Variants in DENND2B observed in about 807,000 individuals in gnomAD.
DENND2B encodes the protein DENN domain-containing protein 2B.
In DENND2B, 32 loss-of-function variants were observed where a neutral mutation model predicts 116.0. The observed-to-expected ratio is 0.28, with a 90% confidence interval of 0.21 to 0.37. The LOEUF (loss-of-function observed/expected upper bound fraction) is 0.37, where lower values mean the gene tolerates loss of function less well. Among genes scored for constraint, DENND2B ranks in the 10% least tolerant of loss-of-function variants. DENND2B has a pLI of 1.00. For missense variants in DENND2B, 1,276 were observed against 1,477.7 expected (o/e 0.86, Z 2.24); for synonymous variants, 588 against 583.9 (o/e 1.01, Z -0.10).
intron 2 of DENND2B, among the ~76,000 whole-genome samples, chr11:8,868,985 T>C (rs1233030522): frequency 6.6e-6 from 1 of 152,262 alleles, no homozygotes; most frequent in East Asian, 1.9e-4. Context: ...TGATTTTTTA[T>C]GCGATTTATT....
chr11:8,707,809 T>C lies in DENND2B; in HGVS notation c.2398A>G (p.Ser800Gly), dbSNP rs971563624. ...AACAAGCCGAAGCAGCCAAGGCGGC[T>C]GATGACACAGTACACCTCTGGCAAC... ...PRLPEVYCVI[S>G]RLGCFGLFSK... The change falls in exon 12 of 20, where the codon AGC becomes GGC. Residue 800 changes from serine (S) to glycine (G), a missense_variant. By Grantham distance (56) the Ser-to-Gly change is moderately conservative (BLOSUM62 0). Coordinates refer to ENST00000313726, the MANE Select transcript of DENND2B (RefSeq NM_213618.2). The surrounding 1 kb of genome is among the most constrained non-coding windows in gnomAD (Gnocchi z 4.8). 3 of 1,611,804 alleles carry C rather than the reference T, an allele frequency of 1.9e-6. No homozygotes were observed. In the African/African-American group the frequency reaches 4.0e-5, roughly 21 times the overall value.
intron 2 of DENND2B, among the ~76,000 whole-genome samples, chr11:8,860,435 C>T (rs2063352432): frequency 6.6e-6 from 1 of 151,794 alleles, no homozygotes; most frequent in Non-Finnish European, 1.5e-5. Context: ...TAACTCAATC[C>T]TTTTTAATAC....
chr11:8,722,913 C>T (rs1383882602), intron 4 of DENND2B, among the ~76,000 whole-genome samples: 2 of 152,176 alleles, frequency 1.3e-5, no homozygotes, highest in African/African-American at 4.8e-5. Flanking sequence ...ATCCAGAAGC[C>T]AGGTGAGCAG....
chr11:8,783,554 G>A (rs945329272), intron 1 of DENND2B, among the ~76,000 whole-genome samples: 2 of 152,134 alleles, frequency 1.3e-5, no homozygotes, highest in Admixed American at 1.3e-4. Context: ...GATCCCAAAG[G>A]ACAAGATACA....
At chr11:8,729,325 G>C (rs2047677817) in intron 3 of DENND2B, among the ~76,000 whole-genome samples, 1 of 152,176 alleles carries the variant, frequency 6.6e-6, no homozygotes, top group South Asian at 2.1e-4. Context: ...TCTGGGGTTA[G>C]AAATCCTGAG....
At chr11:8,772,211 C>T (rs1178148449) in intron 1 of DENND2B, among the ~76,000 whole-genome samples, 1 of 151,648 alleles carries the variant, frequency 6.6e-6, no homozygotes, top group Non-Finnish European at 1.5e-5. Flanking sequence ...TGAGTTGTAT[C>T]CTTAATAAAC....
intron 17 of DENND2B, among the ~76,000 whole-genome samples, chr11:8,696,958 G>A (rs1251723583): frequency 5.3e-5 from 8 of 152,154 alleles, no homozygotes; most frequent in African/African-American, 1.4e-4. Context: ...TAGAGATGGG[G>A]TTTCACCATG....
chr11:8,754,027 G>GCACACACACA (rs1555169735), intron 1 of DENND2B, among the ~76,000 whole-genome samples: 6 of 11,584 alleles, frequency 5.2e-4, no homozygotes, highest in African/African-American at 8.4e-4. Context: ...CACCAAAAGC[G>GCACACACACA]CGCACACACA....
intron 1 of DENND2B, among the ~76,000 whole-genome samples, chr11:8,796,561 T>C (rs932766385): frequency 1.3e-5 from 2 of 152,122 alleles, no homozygotes; most frequent in Non-Finnish European, 2.9e-5. Context: ...TATCAACCCA[T>C]AGAAACTAGT....
At chr11:8,820,408 CAG>C (rs1395728446) in intron 4 of DENND2B, among the ~76,000 whole-genome samples, 5 of 152,160 alleles carry the variant, frequency 3.3e-5, no homozygotes, top group African/African-American at 9.7e-5. Context: ...TAGCCTCACT[CAG>C]GGAGAATATC....
rs1491272871 is a variant in DENND2B at position 8,718,383 on chromosome 11, TCA to T, written c.1478-493_1478-492del. ...CTTTGGAGGGTGGGCATGGAGGAAC[TCA>T]CAGAACCGTAGGGAGCAGGGCTTCG... On this transcript the variant is annotated intron_variant, in intron 4 of 19. Coordinates refer to ENST00000313726, the MANE Select transcript of DENND2B (RefSeq NM_213618.2). The T allele has an allele frequency of 1.2e-5, 19 of 1,535,338 alleles. No homozygotes were observed. In the South Asian group the frequency reaches 1.7e-4, roughly 13 times the overall value.
chr11:8,763,083 G>T (rs1232194242), intron 1 of DENND2B, among the ~76,000 whole-genome samples: 1 of 152,086 alleles, frequency 6.6e-6, no homozygotes, highest in African/African-American at 2.4e-5. Flanking sequence ...GGCACAAGTA[G>T]AACAGATACT....
intron 4 of DENND2B, chr11:8,839,260 C>T (rs567737181): frequency 6.6e-6 from 1 of 152,242 alleles, no homozygotes; most frequent in African/African-American, 2.4e-5. Context: ...GAAGAAGTCA[C>T]TGTATGGAAC....
chr11:8,726,671 G>A (rs1016857804), intron 3 of DENND2B, among the ~76,000 whole-genome samples: 13 of 152,208 alleles, frequency 8.5e-5, no homozygotes, highest in Admixed American at 6.5e-5. Context: ...CTTGAGAAGT[G>A]TCTGTGATTC....
Position 8,870,440 on chromosome 11 carries a change from C to G in DENND2B, c.-250+514G>C, listed in dbSNP as rs551095850. ...CAAATAAACATAGTTTAACTTGTTG[C>G]AGTAATAGCATGCAAAGTTAATTTT... On this transcript the variant is annotated intron_variant, in intron 2 of 6. Transcript: ENST00000524757. Among the ~76,000 whole-genome samples, 16 of 152,288 alleles carry G rather than the reference C, an allele frequency of 1.1e-4. No homozygotes were observed. In the South Asian group the frequency reaches 3.1e-3, roughly 30 times the overall value.
At chr11:8,825,987 A>G (rs755129052) in intron 4 of DENND2B, among the ~76,000 whole-genome samples, 2 of 152,186 alleles carry the variant, frequency 1.3e-5, no homozygotes, top group Non-Finnish European at 2.9e-5. Context: ...CTTGAATAAC[A>G]TTTCAGACAA....
intron 4 of DENND2B, among the ~76,000 whole-genome samples, chr11:8,818,155 A>G (rs948894145): frequency 3.8e-5 from 2 of 53,270 alleles, no homozygotes; most frequent in African/African-American, 8.6e-5. Flanking sequence ...CCAGCTACTC[A>G]GGAGGCTAAG....
intron 1 of DENND2B, among the ~76,000 whole-genome samples, chr11:8,893,715 G>C (rs532592714): frequency 1.5e-4 from 23 of 152,226 alleles, no homozygotes; most frequent in African/African-American, 5.5e-4. Context: ...TCTTCAAGGA[G>C]AACTACAAAC....
chr11:8,842,783 G>A (rs1463790245), intron 3 of DENND2B, among the ~76,000 whole-genome samples: 1 of 152,104 alleles, frequency 6.6e-6, no homozygotes, highest in African/African-American at 2.4e-5. Context: ...AGAATTCCCT[G>A]TAATTCCCTG....
Sources: allele counts gnomAD v4.1 joint callset (sites outside exome capture counted in the v4.1 genomes callset), GRCh38; gene constraint gnomAD v4.1.1; non-coding constraint Gnocchi (gnomAD v3.1); transcripts MANE v1.5; gene names NCBI Gene and HGNC (gene_info 2026-07-23, HGNC 2026-07-21).